Variants in MUC5AC observed in about 807,000 individuals in gnomAD.
MUC5AC encodes mucin-5AC.
MUC5AC carries 158 observed loss-of-function variants against 169.7 expected under a neutral mutation model. The observed-to-expected ratio is 0.93, with a 90% CI of 0.82 to 1.06. The LOEUF is 1.06. MUC5AC is among the 50% of genes least tolerant of loss of function. The pLI is 0.00. For missense variants in MUC5AC, 4,359 were observed against 3,089.9 expected (o/e 1.41, Z -9.74); for synonymous variants, 1,975 against 1,237.0 (o/e 1.60, Z -12.52).
chr11:1,168,815 A>G, intron 14 of MUC5AC, 36 bp downstream of exon 14: 1 of 1,578,214 alleles, frequency 6.3e-7, no homozygotes, highest in Non-Finnish European at 8.6e-7. Context: ...GAGCCCACCC[A>G]CTCTGGCCAG....
intron 8 of MUC5AC, 37 bp from the exon 9 acceptor site, chr11:1,164,370 G>A (rs1228424839): frequency 6.2e-7 from 1 of 1,611,884 alleles, no homozygotes; most frequent in Non-Finnish European, 8.5e-7. Flanking sequence ...GGAGGGCAGG[G>A]GCAGGCAGAC....
At chr11:1,196,324 C>T (rs1170385918) in intron 37 of MUC5AC, 64 bp from the exon 38 acceptor site, 13 of 750,332 alleles carry the variant, frequency 1.7e-5, no homozygotes, top group East Asian at 1.7e-4. Context: ...TGGTGCCCAG[C>T]GGCCCGCGTT....
intron 1 of MUC5AC, 25 bp from the exon 2 acceptor site, chr11:1,160,587 C>T: frequency 5.0e-6 from 8 of 1,594,942 alleles, no homozygotes; most frequent in Non-Finnish European, 6.8e-6. Flanking sequence ...TGCATCTGGG[C>T]TCAGCCCCCC....
Position 1,164,301 on chromosome 11 carries a change from C to A in MUC5AC, c.985C>A (p.Arg329=), listed in dbSNP as rs759368667. ...THAGGLPQDW[R]GPDFCPQKCP... ...TGCAGGGGGGTTGCCCCAGGACTGGCGGGGCCCTGACTTCTGCCGTGAGTG... is the reference window on the plus strand; with the variant it reads ...TGCAGGGGGGTTGCCCCAGGACTGGAGGGGCCCTGACTTCTGCCGTGAGTG... The change falls in exon 8 of 49, where the codon CGG becomes AGG. Residue 329 remains arginine, a synonymous_variant. Coordinates refer to ENST00000621226, the MANE Select transcript of MUC5AC (RefSeq NM_001304359.2). 2 of 1,612,210 alleles carry A rather than the reference C, an allele frequency of 1.2e-6. No homozygotes were observed. The highest frequency in any genetic ancestry group is 3.3e-5 in the Admixed American group (2 of 60,020).
chr11:1,173,597 C>T (rs994630081), intron 16 of MUC5AC, among the ~76,000 whole-genome samples: 6 of 149,468 alleles, frequency 4.0e-5, no homozygotes, highest in African/African-American at 1.2e-4. Flanking sequence ...ACTCACTCAT[C>T]CACTCACTCA....
Position 1,196,734 on chromosome 11 carries a change from G to C in MUC5AC, c.15829+14G>C. ...CGGGCTGCCCCAGTACGTGCCCCAG[G>C]CCGGGGCTGGGGGGTGTGGCAGGAC... is the stretch of plus-strand genomic sequence containing the variant. On this transcript the variant is annotated intron_variant, in intron 39 of 48. Transcript: ENST00000621226. The C allele has an allele frequency of 1.3e-6, 1 of 747,000 alleles. No homozygotes were observed. Among genetic ancestry groups the C allele is most frequent in the Non-Finnish European group, 2.4e-6 (1 of 409,560 alleles). 46.3% of individuals were successfully genotyped at this position (747,000 alleles called of 1,614,324 possible).
Position 1,185,398 on chromosome 11 carries a change from C to T in MUC5AC, c.7253C>T (p.Thr2418Ile), listed in dbSNP as rs1221822399. 2.7e-6 allele frequency: 2 copies of T among 732,714 alleles called. No homozygotes were observed. The highest frequency in any genetic ancestry group is 5.0e-6 in the Non-Finnish European group (2 of 401,556). The allele number at this position is 732,714 out of a possible 1,614,324, so 45.4% of individuals were successfully genotyped here. Residue 2418 changes from threonine (T) to isoleucine (I), a missense_variant, in exon 31 of 49, where the codon ACC becomes ATC. Transcript: ENST00000621226. ...TTTSTTSAPT[T>I]STTSAPTSST... is the part of the protein sequence containing the mutation. The stretch of plus-strand genomic sequence containing the variant: ...ACCAGCACAACCTCAGCTCCTACAA[C>T]CAGCACAACCTCTGCCCCTACAAGC...
rs528628665 is a variant in MUC5AC at position 1,195,088 on chromosome 11, C to T, written c.15267C>T (p.Ser5089=). Reference sequence around the variant, plus strand: ...TGGTCGCTTCCTGCTCCGAGATGTCCGGCCTCTGGAACGTGAGCATACCCG... The same window carrying T: ...TGGTCGCTTCCTGCTCCGAGATGTCTGGCCTCTGGAACGTGAGCATACCCG... ...GTVVASCSEM[S]GLWNVSIPDQ... is the part of the protein sequence containing the mutation. The change falls in exon 36 of 49, where the codon TCC becomes TCT. Residue 5089 remains serine (S), a synonymous_variant. Coordinates refer to ENST00000621226, the MANE Select transcript of MUC5AC (RefSeq NM_001304359.2). The T allele has an allele frequency of 8.1e-5, 62 of 761,354 alleles. 1 individual carries two copies. The highest frequency in any genetic ancestry group is 3.2e-4 in the East Asian group (13 of 41,006). 47.2% of individuals were successfully genotyped at this position (761,354 alleles called of 1,614,324 possible). A position where few individuals can be genotyped will look rare whatever the true frequency, so the allele number is the denominator to read the frequency against.
At position 1,192,394 on chromosome 11, in the gene MUC5AC, C is replaced by A. The variant is rs753009980; in HGVS notation, c.14249C>A (p.Ser4750Tyr). Residue 4750 changes from serine (S) to tyrosine (Y), a missense_variant, in exon 31 of 49, where the codon TCC becomes TAC. Transcript: ENST00000621226. ...GTSPTNALYP[S>Y]LSTSMVSASV... The stretch of plus-strand genomic sequence containing the variant: ...TCTCCTACCAATGCTCTGTATCCTT[C>A]CCTGTCTACTTCCATGGTATCCGCC... 1.3e-6 allele frequency: 1 copy of A among 765,156 alleles called. No individual in the cohort carries two copies. The highest frequency in any genetic ancestry group is 2.4e-6 in the Non-Finnish European group (1 of 417,902). 47.4% of individuals were successfully genotyped at this position (765,156 alleles called of 1,614,324 possible).
chr11:1,158,114 G>T, intron 1 of MUC5AC, 42 bp downstream of exon 1: 2 of 1,539,968 alleles, frequency 1.3e-6, no homozygotes. Context: ...CCTGGGTGGT[G>T]CGGTACTGAG....
At chr11:1,194,853 C>T (rs1953897844) in intron 35 of MUC5AC, among the ~76,000 whole-genome samples, 159 bp from the exon 36 acceptor site, 1 of 152,178 alleles carries the variant, frequency 6.6e-6, no homozygotes, top group Admixed American at 6.5e-5. Flanking sequence ...ACCATAGGGA[C>T]TGTCCCAGGG....
Position 1,186,680 on chromosome 11 carries a change from C to A in MUC5AC, c.8535C>A (p.Thr2845=), listed in dbSNP as rs1860955043. 4 of 741,124 alleles carry A rather than the reference C, an allele frequency of 5.4e-6. No individual in the cohort carries two copies. Among genetic ancestry groups the A allele is most frequent in the East Asian group, 2.5e-5 (1 of 40,202 alleles). The allele number at this position is 741,124 out of a possible 1,614,324, so 45.9% of individuals were successfully genotyped here. A position where few individuals can be genotyped will look rare whatever the true frequency, so the allele number is the denominator to read the frequency against. The change falls in exon 31 of 49, where the codon ACC becomes ACA. Residue 2845 remains threonine (T), a synonymous_variant. Transcript: ENST00000621226. The part of the protein sequence containing the change: ...TSSPVPTTST[T]SAPTTSTTSA... ...GCCCTGTTCCCACCACCAGCACAAC[C>A]TCTGCCCCTACAACCAGCACAACCT...
At position 1,200,594 on chromosome 11, in the gene MUC5AC, C is replaced by G. The variant is rs113155412; in HGVS notation, c.16857C>G (p.Cys5619Trp). 1 of 764,382 alleles carries G rather than the reference C, an allele frequency of 1.3e-6. No homozygotes were observed. 47.3% of individuals were successfully genotyped at this position (764,382 alleles called of 1,614,324 possible). A position where few individuals can be genotyped will look rare whatever the true frequency, so the allele number is the denominator to read the frequency against. The change falls in exon 49 of 49, where the codon TGC becomes TGG. Residue 5619 changes from cysteine (C) to tryptophan (W), a missense_variant. Physicochemically the swap from Cys to Trp is radical, Grantham distance 215. Coordinates refer to ENST00000621226, the MANE Select transcript of MUC5AC (RefSeq NM_001304359.2). ...AGTGCGGCTGCATGGGCCGGCGGTG[C>G]CCTGCGCCGGGCGACACCCAGCACT... ...VEECGCMGRRCPAPGDTQHSE... is the reference protein window; with the variant it reads ...VEECGCMGRRWPAPGDTQHSE...
intron 3 of MUC5AC, 94 bp downstream of exon 3, chr11:1,161,680 G>A: frequency 1.4e-6 from 2 of 1,403,388 alleles, no homozygotes; most frequent in South Asian, 1.4e-5. Context: ...AGGGGCCCCA[G>A]CTTTCCGGGT....
intron 15 of MUC5AC, among the ~76,000 whole-genome samples, chr11:1,171,334 CTCA>C (rs1860521221): frequency 8.0e-6 from 1 of 125,214 alleles, no homozygotes; most frequent in Admixed American, 7.9e-5. Flanking sequence ...CACTCACTCA[CTCA>C]CGCATTCACT....
In MUC5AC at chr11:1,160,633, C is replaced by T. The variant is rs758762891; in HGVS notation, c.95C>T (p.Ser32Phe). 2 of 1,610,088 alleles carry T rather than the reference C, an allele frequency of 1.2e-6. No individual in the cohort carries two copies. The highest frequency in any genetic ancestry group is 1.7e-6 in the Non-Finnish European group (2 of 1,179,574). The change falls in exon 2 of 49, where the codon TCC becomes TTC. Residue 32 changes from serine (S) to phenylalanine (F), a missense_variant. Transcript: ENST00000621226. ...RHTGHAQDGS[S>F]ESSYKHHPAL... ...GCAGGCCATGCCCAGGATGGCTCCTCCGAATCCAGCTACAAGCACCACCCT... is the reference window on the plus strand; with the variant it reads ...GCAGGCCATGCCCAGGATGGCTCCTTCGAATCCAGCTACAAGCACCACCCT...
chr11:1,170,449 T>C (rs1438939648), intron 15 of MUC5AC, among the ~76,000 whole-genome samples: 8 of 113,892 alleles, frequency 7.0e-5, no homozygotes, highest in South Asian at 3.3e-4. Flanking sequence ...ACCCACTCAC[T>C]CACCCACTCA....
rs766839001 is a variant in MUC5AC at position 1,192,432 on chromosome 11, A to G, written c.14287A>G (p.Thr4763Ala). 73 of 764,672 alleles carry G rather than the reference A, an allele frequency of 9.5e-5. No individual in the cohort carries two copies. The highest frequency in any genetic ancestry group is 1.5e-4 in the Non-Finnish European group (62 of 417,838). 47.4% of individuals were successfully genotyped at this position (764,672 alleles called of 1,614,324 possible). The change falls in exon 31 of 49, where the codon ACC (threonine) becomes GCC (alanine). Residue 4763 changes from threonine (T) to alanine (A), a missense_variant. By Grantham distance (58) the Thr-to-Ala change is moderately conservative (BLOSUM62 0). Transcript: ENST00000621226. ...CATGGTATCCGCCTCCGTGGCATCC[A>G]CCTCTGTGGCATCCAGCTCTGTGGC... is the stretch of plus-strand genomic sequence containing the variant. ...TSMVSASVAS[T>A]SVASSSVASS...
Position 1,186,145 on chromosome 11 carries a change from G to A in MUC5AC, c.8000G>A (p.Ser2667Asn). ...ACTCCCAGCCCTGTTCCTACCACCA[G>A]CACAATCTCTGTTCCTACCACCAGC... The part of the protein sequence containing the change: ...GTTPSPVPTT[S>N]TISVPTTSTT... The change falls in exon 31 of 49, where the codon AGC (serine) becomes AAC (asparagine). Residue 2667 changes from serine (S) to asparagine (N), a missense_variant. By Grantham distance (46) the Ser-to-Asn change is conservative. Transcript: ENST00000621226. 1.3e-6 allele frequency: 1 copy of A among 745,674 alleles called. No homozygotes were observed. The highest frequency in any genetic ancestry group is 1.4e-5 in the South Asian group (1 of 72,094). The allele number at this position is 745,674 out of a possible 1,614,324, so 46.2% of individuals were successfully genotyped here. A position where few individuals can be genotyped will look rare whatever the true frequency, so the allele number is the denominator to read the frequency against.
Sources: gnomAD v4.1 joint callset for allele counts (sites outside exome capture counted in the v4.1 genomes callset) on GRCh38, gnomAD v4.1.1 for gene constraint, MANE v1.5 for transcripts, NCBI Gene and HGNC (gene_info 2026-07-23, HGNC 2026-07-21) for gene names.